MYH9: variants seen among roughly 807,000 people sequenced by gnomAD.
MYH9 encodes myosin heavy chain 9.
A neutral mutation model predicts 241.9 loss-of-function variants in MYH9; 29 were observed. The ratio of observed to expected loss-of-function variants is 0.12; its 90% CI spans 0.09 to 0.16. The LOEUF (loss-of-function observed/expected upper bound fraction) is 0.16. Ranked by LOEUF, MYH9 falls within the 10% of genes least tolerant of loss-of-function variation. The pLI, the probability that MYH9 is intolerant of heterozygous loss-of-function variation, is 1.00. For missense variants in MYH9, 1,803 were observed against 2,595.5 expected, an observed-to-expected ratio of 0.69 and a Z score of 6.63; for synonymous variants, 1,047 against 1,062.6, an observed-to-expected ratio of 0.99 and a Z score of 0.29.
chr22:36,360,452 A>G (rs1407564161), intron 1 of MYH9, among the ~76,000 whole-genome samples: 4 of 152,046 alleles, frequency 2.6e-5, no homozygotes, highest in Non-Finnish European at 1.5e-5. Flanking sequence ...AGTGGCTCAC[A>G]CCTGTAATCC....
At chr22:36,337,271 C>T (rs2017514050) in intron 3 of MYH9, among the ~76,000 whole-genome samples, 1 of 152,184 alleles carries the variant, frequency 6.6e-6, no homozygotes. Flanking sequence ...GCTAAAAATC[C>T]TACAGTGCTC....
rs2016833100 is a variant in MYH9, at chr22:36,299,038, T to C, written c.2981A>G (p.Lys994Arg). Reference sequence around the variant, plus strand: ...AGCTATTCTGTCTTCCAGCAGTTTCTTTTCCTGGGGAGAGGGGAGTAGGCT... The same window carrying C: ...AGCTATTCTGTCTTCCAGCAGTTTCCTTTCCTGGGGAGAGGGGAGTAGGCT... ...EDQNCKLAKE[K>R]KLLEDRIAEF... Residue 994 changes from lysine to arginine, a missense_variant, in exon 24 of 41, where the codon AAG becomes AGG. Physicochemically the swap from Lys to Arg is conservative, Grantham distance 26. Transcript: ENST00000216181. 1.2e-6 allele frequency: 2 copies of C among 1,613,894 alleles called. No homozygotes were observed. Among genetic ancestry groups the C allele is most frequent in the Non-Finnish European group, 1.7e-6 (2 of 1,179,948 alleles).
chr22:36,326,191 T>C (rs2017332855), intron 5 of MYH9, among the ~76,000 whole-genome samples: 1 of 152,158 alleles, frequency 6.6e-6, no homozygotes, highest in South Asian at 2.1e-4. Flanking sequence ...TGGAATCAAA[T>C]ACAGGTCTGC....
rs777996929 is a variant in MYH9 at position 36,291,999 on chromosome 22, T to C, written c.4331A>G (p.Lys1444Arg). ...ACGGCCACACACCTGGTCAAACTTC[T>C]TCTGCTTCTTCTCCAGGTTGCACGC... Reference protein sequence around the residue: ...QSACNLEKKQKKFDQLLAEEK... With the variant: ...QSACNLEKKQRKFDQLLAEEK... The change falls in exon 31 of 41, where the codon AAG (lysine) becomes AGG (arginine). Residue 1444 changes from lysine to arginine, a missense_variant. Physicochemically the swap from Lys to Arg is conservative, Grantham distance 26. Around this residue, in one of 11 missense-constraint regions of MYH9, gnomAD observed 876 missense variants for 1,077.8 expected, o/e 0.81. Coordinates refer to ENST00000216181, the MANE Select transcript of MYH9 (RefSeq NM_002473.6). 3 of 1,614,100 alleles carry C rather than the reference T, an allele frequency of 1.9e-6. No individual in the cohort carries two copies. The African/African-American group carries it at 4.0e-5, about 22-fold the overall frequency.
At position 36,288,686 on chromosome 22, in the gene MYH9, C is replaced by A. The variant is rs759122024; in HGVS notation, c.4770+41G>T. 1 of 1,597,034 alleles carries A rather than the reference C, an allele frequency of 6.3e-7. No individual in the cohort carries two copies. The highest frequency in any genetic ancestry group is 8.5e-7 in the Non-Finnish European group (1 of 1,177,538). On this transcript the variant is annotated intron_variant, in intron 33 of 40. Transcript: ENST00000216181. The surrounding 1 kb of genome is among the most constrained non-coding windows in gnomAD (Gnocchi z 4.8). ...AACAGAAGCCTGCGTGAAGCCAAGGCAGCCTTGGGCACCCATGGGGTAGCA... is the reference window on the plus strand; with the variant it reads ...AACAGAAGCCTGCGTGAAGCCAAGGAAGCCTTGGGCACCCATGGGGTAGCA...
chr22:36,337,297 C>G (rs933359729), intron 3 of MYH9, among the ~76,000 whole-genome samples: 1 of 152,126 alleles, frequency 6.6e-6, no homozygotes, highest in African/African-American at 2.4e-5. Context: ...GATCCCCCAC[C>G]CCCAACAGAG....
At chr22:36,319,670 C>T (rs756349841) in intron 9 of MYH9, 35 bp from the exon 10 acceptor site, 3 of 1,602,126 alleles carry the variant, frequency 1.9e-6, no homozygotes, top group Non-Finnish European at 2.6e-6. Flanking sequence ...CAGAAGCAGA[C>T]ATGGGTCATG....
At position 36,300,199 on chromosome 22, in the gene MYH9, G is replaced by A. The variant is rs779946116; in HGVS notation, c.2904C>T (p.Thr968=). Residue 968 remains threonine, a synonymous_variant, in exon 23 of 41, where the codon ACC becomes ACT. Transcript: ENST00000216181. This position sits in a 1 kb window ranked among gnomAD's most constrained non-coding sequence, Gnocchi z 5.0. ...CCAGCTTTTTCAGCTTCGCCTCGGT[G>A]GTCACCTTCTCCAGCTGCAGCTTCT... ...ARQKLQLEKV[T]TEAKLKKLEE... is the part of the protein sequence containing the mutation. 2.5e-6 allele frequency: 4 copies of A among 1,613,588 alleles called. No homozygotes were observed. Among genetic ancestry groups the A allele is most frequent in the Non-Finnish European group, 3.4e-6 (4 of 1,180,012 alleles).
intron 39 of MYH9, 38 bp downstream of exon 39, chr22:36,284,365 C>T (rs767661026): frequency 1.2e-6 from 2 of 1,608,308 alleles, no homozygotes; most frequent in South Asian, 2.2e-5. Context: ...TGCTGCCCAG[C>T]CCCGCTGCCC....
At chr22:36,381,396 A>G (rs1263455476) in intron 1 of MYH9, among the ~76,000 whole-genome samples, 2 of 152,036 alleles carry the variant, frequency 1.3e-5, no homozygotes, top group Non-Finnish European at 2.9e-5. Context: ...GCACACCTGT[A>G]ATCCCAGCTA....
At chr22:36,302,418 TAGG>T (rs1355714681) in intron 20 of MYH9, 147 bp downstream of exon 20, 2 of 660,694 alleles carry the variant, frequency 3.0e-6, no homozygotes, top group Admixed American at 4.2e-5. Context: ...GAGGCTGAGG[TAGG>T]AGGATTGCTG....
Position 36,357,360 on chromosome 22 carries a change from G to A in MYH9, c.-19-8105C>T, listed in dbSNP as rs952280396. ...CAACGTACAGGAAGAAGGTACGATC[G>A]CTCAATAACCACATACAAAACGATG... is the stretch of plus-strand genomic sequence containing the variant. On this transcript the variant is annotated intron_variant, in intron 1 of 40. Coordinates refer to ENST00000216181, the MANE Select transcript of MYH9 (RefSeq NM_002473.6). 9.9e-5 allele frequency among the ~76,000 whole-genome samples: 15 copies of A among 152,284 alleles called. 1 individual carries two copies. Among genetic ancestry groups the A allele is most frequent in the South Asian group, 4.1e-4 (2 of 4,830 alleles).
At chr22:36,335,175 A>G (rs895655900) in intron 3 of MYH9, among the ~76,000 whole-genome samples, 1 of 152,168 alleles carries the variant, frequency 6.6e-6, no homozygotes, top group Non-Finnish European at 1.5e-5. Context: ...TCTGAGCACG[A>G]AACAGTCACC....
intron 5 of MYH9, among the ~76,000 whole-genome samples, chr22:36,325,490 T>A (rs904868586): frequency 6.6e-6 from 1 of 152,170 alleles, no homozygotes; most frequent in African/African-American, 2.4e-5. Flanking sequence ...CAGGGGAGGT[T>A]AAGAGTGTGT....
chr22:36,319,658 C>T, intron 9 of MYH9, 23 bp from the exon 10 acceptor site: 1 of 1,611,394 alleles, frequency 6.2e-7, no homozygotes, highest in South Asian at 1.1e-5. Context: ...TCAGAGGCAG[C>T]TCAGAAGCAG....
At chr22:36,351,902 G>C (rs1169697937) in intron 1 of MYH9, among the ~76,000 whole-genome samples, 1 of 152,024 alleles carries the variant, frequency 6.6e-6, no homozygotes, top group Non-Finnish European at 1.5e-5. Context: ...AGGGGCAGGG[G>C]ATGGTTACTA....
At chr22:36,343,298 G>C (rs1394695076) in intron 2 of MYH9, among the ~76,000 whole-genome samples, 1 of 152,176 alleles carries the variant, frequency 6.6e-6, no homozygotes, top group Non-Finnish European at 1.5e-5. Flanking sequence ...CACTTGGGGA[G>C]GCCAGGGTGA....
intron 11 of MYH9, among the ~76,000 whole-genome samples, chr22:36,317,576 C>T (rs1306752708): frequency 6.6e-6 from 1 of 152,230 alleles, no homozygotes; most frequent in Non-Finnish European, 1.5e-5. Context: ...GAAAGACTAA[C>T]AAAATGAGCT....
intron 35 of MYH9, 101 bp downstream of exon 35, chr22:36,286,617 G>A: frequency 1.9e-6 from 3 of 1,545,550 alleles, no homozygotes; most frequent in South Asian, 1.1e-5. Context: ...CCAATTCCTG[G>A]AGCCCAGTAG....
Sources: gnomAD v4.1 joint callset for allele counts (sites outside exome capture counted in the v4.1 genomes callset) on GRCh38, gnomAD v4.1.1 for gene constraint, gnomAD v4.1.1 regional missense constraint, Gnocchi (gnomAD v3.1) non-coding constraint, MANE v1.5 for transcripts, NCBI Gene and HGNC (gene_info 2026-07-23, HGNC 2026-07-21) for gene names.